Variants in IL23R observed in about 807,000 individuals in gnomAD.
IL23R encodes the protein interleukin-23 receptor.
In IL23R, 34 loss-of-function variants were observed where a neutral mutation model predicts 56.9. That is an observed-to-expected ratio of 0.60 (90% CI 0.45 to 0.80). The LOEUF is 0.80. Ranked by LOEUF, IL23R falls within the 30% of genes least tolerant of loss-of-function variation. IL23R has a pLI of 0.00. For missense variants in IL23R, 635 were observed against 730.0 expected (o/e 0.87, Z 1.50); for synonymous variants, 230 against 249.2 (o/e 0.92, Z 0.73).
intron 6 of IL23R, among the ~76,000 whole-genome samples, chr1:67,218,358 G>GTGTATATA (rs1553293307): frequency 3.6e-5 from 5 of 137,858 alleles, no homozygotes; most frequent in African/African-American, 1.4e-4. Flanking sequence ...GTGTGTGTGT[G>GTGTATATA]TATATATATA....
the IL23R span, among the ~76,000 whole-genome samples, chr1:67,265,734 G>A: frequency 1.3e-5 from 2 of 152,114 alleles, no homozygotes; most frequent in Non-Finnish European, 2.9e-5. Flanking sequence ...AGACAGAAAG[G>A]AAGATAAAAT....
At chr1:67,181,027 A>G (rs529960126) in intron 3 of IL23R, among the ~76,000 whole-genome samples, 1 of 152,230 alleles carries the variant, frequency 6.6e-6, no homozygotes, top group South Asian at 2.1e-4. Flanking sequence ...GGGTAACCCG[A>G]CCTTTCTCTC....
intron 1 of IL23R, among the ~76,000 whole-genome samples, chr1:67,153,546 T>A (rs567823178): frequency 1.6e-4 from 24 of 152,228 alleles, no homozygotes; most frequent in Middle Eastern, 3.4e-3. Flanking sequence ...GTTAAGGTGA[T>A]GATTTGAGAT....
chr1:67,212,449 G>A (rs1558246183), intron 6 of IL23R, among the ~76,000 whole-genome samples: 2 of 152,202 alleles, frequency 1.3e-5, no homozygotes. Flanking sequence ...GCTGGAGGTG[G>A]GGGGTTTACT....
At chr1:67,170,317 T>A (rs1232415513) in intron 3 of IL23R, among the ~76,000 whole-genome samples, 1 of 152,216 alleles carries the variant, frequency 6.6e-6, no homozygotes, top group Non-Finnish European at 1.5e-5. Context: ...TGCATCCTTT[T>A]GATAAAACAT....
At chr1:67,163,462 CTG>C (rs1646841176), upstream of IL23R, among the ~76,000 whole-genome samples, 1 of 89,070 alleles carries the variant, frequency 1.1e-5, no homozygotes, top group Non-Finnish European at 2.0e-5. Context: ...GAGCAAGACC[CTG>C]TCTCAAAAAA....
At chr1:67,142,779 G>A (rs1297464563) in intron 1 of IL23R, among the ~76,000 whole-genome samples, 5 of 152,114 alleles carry the variant, frequency 3.3e-5, no homozygotes, top group Non-Finnish European at 7.3e-5. Context: ...TGTTGGCCAG[G>A]CTGGTCTCGA....
chr1:67,222,023 T>G (rs1019251300), intron 7 of IL23R, among the ~76,000 whole-genome samples: 2 of 147,504 alleles, frequency 1.4e-5, no homozygotes, highest in African/African-American at 2.5e-5. Flanking sequence ...AAAATAAAAA[T>G]AAATAGAAAT....
chr1:67,254,264 T>C (rs1448945726), intron 9 of IL23R, among the ~76,000 whole-genome samples: 1 of 152,046 alleles, frequency 6.6e-6, no homozygotes, highest in Non-Finnish European at 1.5e-5. Flanking sequence ...AGACGGGATT[T>C]CACCATGTTG....
intron 1 of IL23R, among the ~76,000 whole-genome samples, chr1:67,141,331 T>C (rs961231500): frequency 1.3e-5 from 2 of 152,184 alleles, no homozygotes; most frequent in African/African-American, 4.8e-5. Flanking sequence ...ATTAATGTAT[T>C]ATTTTTGCAG....
chr1:67,230,308 C>T (rs1651014433), intron 7 of IL23R, among the ~76,000 whole-genome samples: 1 of 152,204 alleles, frequency 6.6e-6, no homozygotes, highest in Non-Finnish European at 1.5e-5. Context: ...AGAAGTATAT[C>T]CTAGTGCTGG....
chr1:67,177,686 C>T (rs2102570252), intron 3 of IL23R, among the ~76,000 whole-genome samples: 1 of 151,416 alleles, frequency 6.6e-6, no homozygotes, highest in East Asian at 1.9e-4. Flanking sequence ...ATCATGAAGT[C>T]TTTGCCCATG....
At chr1:67,244,442 T>A (rs951787991) in intron 9 of IL23R, among the ~76,000 whole-genome samples, 3 of 152,172 alleles carry the variant, frequency 2.0e-5, no homozygotes, top group Non-Finnish European at 4.4e-5. Context: ...TTTATGGTTA[T>A]TAGGTCTTAT....
downstream of IL23R, among the ~76,000 whole-genome samples, chr1:67,261,317 C>CTT (rs34805261): frequency 1.1e-3 from 139 of 131,604 alleles, 1 homozygote; most frequent in Middle Eastern, 4.0e-3. Flanking sequence ...AGAAATTTAT[C>CTT]TTTTTTTTTT....
At chr1:67,228,249 A>G (rs1441784446) in intron 7 of IL23R, among the ~76,000 whole-genome samples, 1 of 144,002 alleles carries the variant, frequency 6.9e-6, no homozygotes, top group Non-Finnish European at 1.5e-5. Flanking sequence ...GCTGGAGTGC[A>G]GTGGTGTGAT....
downstream of IL23R, among the ~76,000 whole-genome samples, chr1:67,263,620 C>T (rs527407175): frequency 1.3e-5 from 2 of 152,244 alleles, no homozygotes; most frequent in Admixed American, 6.5e-5. Context: ...TCTCCAAATG[C>T]AATCTGTTGG....
chr1:67,171,444 A>G (rs1016784461), intron 3 of IL23R, among the ~76,000 whole-genome samples: 1 of 152,164 alleles, frequency 6.6e-6, no homozygotes, highest in Non-Finnish European at 1.5e-5. Flanking sequence ...ATAATTATAT[A>G]CTTAGTTTTG....
At chr1:67,212,884 T>C (rs1049600136) in intron 6 of IL23R, among the ~76,000 whole-genome samples, 21 of 151,932 alleles carry the variant, frequency 1.4e-4, no homozygotes, top group African/African-American at 4.6e-4. Context: ...TTTCTTTTTT[T>C]TTCTTTTTAG....
At chr1:67,249,357 A>C (rs892151007) in intron 9 of IL23R, among the ~76,000 whole-genome samples, 1 of 152,190 alleles carries the variant, frequency 6.6e-6, no homozygotes, top group Non-Finnish European at 1.5e-5. Flanking sequence ...GAACTTTCTA[A>C]AAGATACCAT....
Sources: gnomAD v4.1 joint callset for allele counts (sites outside exome capture counted in the v4.1 genomes callset) on GRCh38, gnomAD v4.1.1 for gene constraint, MANE v1.5 for transcripts, NCBI Gene and HGNC (gene_info 2026-07-23, HGNC 2026-07-21) for gene names.